The following PTH1R variants were observed in gnomAD, a reference collection of about 807,000 sequenced individuals.
PTH1R encodes parathyroid hormone/parathyroid hormone-related peptide receptor.
In PTH1R, 32 loss-of-function variants were observed where a neutral mutation model predicts 70.7. The ratio of observed to expected loss-of-function variants is 0.45; its 90% CI spans 0.34 to 0.61. PTH1R has a LOEUF of 0.61. Ranked by LOEUF, PTH1R falls within the 20% of genes least tolerant of loss-of-function variation. The pLI, the probability that PTH1R is intolerant of heterozygous loss-of-function variation, is 0.01. For synonymous variants in PTH1R, 329 were observed against 324.8 expected (o/e 1.01, Z -0.14); for missense variants, 626 against 792.5 (o/e 0.79, Z 2.52).
intron 10 of PTH1R, among the ~76,000 whole-genome samples, chr3:46,899,978 T>C: frequency 6.6e-6 from 1 of 152,194 alleles, no homozygotes; most frequent in South Asian, 2.1e-4. Context: ...CTCTGCAGAA[T>C]GGGTTGCTGG....
chr3:46,888,260 GTTAT>G (rs1307073281), intron 3 of PTH1R, among the ~76,000 whole-genome samples: 2 of 152,238 alleles, frequency 1.3e-5, no homozygotes, highest in South Asian at 2.1e-4. Flanking sequence ...CATTCTATGG[GTTAT>G]TTGTCTTTTT....
intron 3 of PTH1R, among the ~76,000 whole-genome samples, chr3:46,887,916 T>G (rs534004153): frequency 6.6e-6 from 1 of 152,350 alleles, no homozygotes; most frequent in Admixed American, 6.5e-5. Flanking sequence ...GGAAGCTCCT[T>G]GAAATGCCCT....
chr3:46,893,877 C>T lies in PTH1R; in HGVS notation c.76-30C>T. 6.2e-7 allele frequency: 1 copy of T among 1,609,636 alleles called. No individual in the cohort carries two copies. Among genetic ancestry groups the T allele is most frequent in the Non-Finnish European group, 8.5e-7 (1 of 1,176,716 alleles). On this transcript the variant is annotated intron_variant, in intron 3 of 15. Transcript: ENST00000449590. This position sits in a 1 kb window ranked among gnomAD's most constrained non-coding sequence, Gnocchi z 5.2. ...GGACCTGCTGCTGCGCCGGAAAGTC[C>T]TGCCTGTGGTCTGACCTTCGGCTTG...
At chr3:46,895,673 G>A in intron 4 of PTH1R, 62 bp from the exon 5 acceptor site, 1 of 1,612,884 alleles carries the variant, frequency 6.2e-7, no homozygotes, top group Non-Finnish European at 8.5e-7. Context: ...AGGCCAAAGA[G>A]TACCCTGGGT....
chr3:46,897,600 G>A (rs565375387), intron 5 of PTH1R, among the ~76,000 whole-genome samples: 7 of 152,148 alleles, frequency 4.6e-5, no homozygotes, highest in East Asian at 1.9e-4. Context: ...GCATGGTGGC[G>A]CATGCCTGTA....
chr3:46,879,393 GA>G lies in PTH1R; in HGVS notation c.-106+1553del, dbSNP rs1273101138. Among the ~76,000 whole-genome samples the G allele has an allele frequency of 2.0e-5, 3 of 152,186 alleles. No individual in the cohort carries two copies. In the East Asian group the frequency reaches 5.8e-4, roughly 29 times the overall value. ...ATGTTCTTTTCTCATCACCAAGGGG[GA>G]AAGCAGGGTGGAAGATCAGTGGTCA... On this transcript the variant is annotated intron_variant, in intron 1 of 15. Transcript: ENST00000449590. This position sits in a 1 kb window ranked among gnomAD's most constrained non-coding sequence, Gnocchi z 4.7.
rs1475586840 is a variant in PTH1R, at chr3:46,883,095, C to G, written c.-48-417C>G. Among the ~76,000 whole-genome samples, 2 of 151,602 alleles carry G rather than the reference C, an allele frequency of 1.3e-5. No individual in the cohort carries two copies. The highest frequency in any genetic ancestry group is 3.0e-5 in the Non-Finnish European group (2 of 67,766). On this transcript the variant is annotated intron_variant, in intron 2 of 15. Coordinates refer to ENST00000449590, the MANE Select transcript of PTH1R (RefSeq NM_000316.3). The surrounding 1 kb of genome is among the most constrained non-coding windows in gnomAD (Gnocchi z 6.4). ...GACCCCGACCCCTCCCCCGCCCCCT[C>G]CCCCCACTGGGCGTGGGGCGAAGCC...
At chr3:46,897,058 C>T (rs2031794464) in intron 5 of PTH1R, among the ~76,000 whole-genome samples, 1 of 152,222 alleles carries the variant, frequency 6.6e-6, no homozygotes, top group Non-Finnish European at 1.5e-5. Context: ...AGAAACCAGA[C>T]CTCCTGCCTC....
Position 46,902,275 on chromosome 3 carries a change from G to T in PTH1R, c.1212-251G>T, listed in dbSNP as rs991993978. ...TGCTTGCCAGCTGAGGGCTCCACAGGTGCGAAGGGCCCAGGGACAGGGGGA... is the reference window on the plus strand; with the variant it reads ...TGCTTGCCAGCTGAGGGCTCCACAGTTGCGAAGGGCCCAGGGACAGGGGGA... On this transcript the variant is annotated intron_variant, in intron 13 of 15. Transcript: ENST00000449590. The surrounding 1 kb of genome is among the most constrained non-coding windows in gnomAD (Gnocchi z 5.4). Among the ~76,000 whole-genome samples the T allele has an allele frequency of 3.9e-5, 6 of 152,180 alleles. No individual in the cohort carries two copies. Among genetic ancestry groups the T allele is most frequent in the African/African-American group, 1.4e-4 (6 of 41,440 alleles).
chr3:46,891,236 C>G lies in PTH1R; in HGVS notation c.76-2671C>G, dbSNP rs2106996081. Reference sequence around the variant, plus strand: ...TTTCCCTCTCCTGAACATCCCAACTCCAGAAAAAGGGGTGTGCCTCCTCCT... The same window carrying G: ...TTTCCCTCTCCTGAACATCCCAACTGCAGAAAAAGGGGTGTGCCTCCTCCT... On this transcript the variant is annotated intron_variant, in intron 3 of 15. Coordinates refer to ENST00000449590, the MANE Select transcript of PTH1R (RefSeq NM_000316.3). The surrounding 1 kb of genome is among the most constrained non-coding windows in gnomAD (Gnocchi z 4.3). Among the ~76,000 whole-genome samples the G allele has an allele frequency of 6.6e-6, 1 of 152,356 alleles. No homozygotes were observed. Among genetic ancestry groups the G allele is most frequent in the Middle Eastern group, 3.4e-3 (1 of 294 alleles).
Position 46,883,201 on chromosome 3 carries a change from G to T in PTH1R, c.-48-311G>T, listed in dbSNP as rs1274201536. Among the ~76,000 whole-genome samples, 57 of 151,276 alleles carry T rather than the reference G, an allele frequency of 3.8e-4. No individual in the cohort carries two copies. Among genetic ancestry groups the T allele is most frequent in the Non-Finnish European group, 6.9e-4 (47 of 67,656 alleles). On this transcript the variant is annotated intron_variant, in intron 2 of 15. Coordinates refer to ENST00000449590, the MANE Select transcript of PTH1R (RefSeq NM_000316.3). The surrounding 1 kb of genome is among the most constrained non-coding windows in gnomAD (Gnocchi z 6.4). ...GAAAAGGCGGCGCGGGAGGGGGGCG[G>T]GGGGCGGGCCGGGGGCGGGGGGCCC...
In PTH1R at chr3:46,893,344, T is replaced by C. The variant is rs2031545363; in HGVS notation, c.76-563T>C. On this transcript the variant is annotated intron_variant, in intron 3 of 15. Coordinates refer to ENST00000449590, the MANE Select transcript of PTH1R (RefSeq NM_000316.3). The surrounding 1 kb of genome is among the most constrained non-coding windows in gnomAD (Gnocchi z 5.2). ...TCCTCCATCCTCTCTTTCTCTCTCT[T>C]GGGATTGTAAGGAGGGGAGGCATTG... is the stretch of plus-strand genomic sequence containing the variant. Among the ~76,000 whole-genome samples, 1 of 152,008 alleles carries C rather than the reference T, an allele frequency of 6.6e-6. No homozygotes were observed. Among genetic ancestry groups the C allele is most frequent in the Admixed American group, 6.6e-5 (1 of 15,262 alleles).
Position 46,884,583 on chromosome 3 carries a change from G to A in PTH1R, c.75+949G>A, listed in dbSNP as rs1291697990. ...ATCCCCTGGGACGAGCCCGTTCCTG[G>A]GGAGGCTGTCTGCCTGTGCGCCTAA... On this transcript the variant is annotated intron_variant, in intron 3 of 15. Transcript: ENST00000449590. This position sits in a 1 kb window ranked among gnomAD's most constrained non-coding sequence, Gnocchi z 4.8. Among the ~76,000 whole-genome samples, 1 of 152,142 alleles carries A rather than the reference G, an allele frequency of 6.6e-6. No individual in the cohort carries two copies. Among genetic ancestry groups the A allele is most frequent in the Admixed American group, 6.5e-5 (1 of 15,286 alleles).
At position 46,902,751 on chromosome 3, in the gene PTH1R, A is replaced by AT. The variant is rs1475413773; in HGVS notation, c.1362dup (p.Val455CysfsTer15). The AT allele has an allele frequency of 1.2e-6, 2 of 1,613,718 alleles. No homozygotes were observed. The highest frequency in any genetic ancestry group is 1.7e-6 in the Non-Finnish European group (2 of 1,179,960). On this transcript the variant is annotated frameshift_variant, in exon 15 of 16. Transcript: ENST00000449590. LOFTEE classifies it high-confidence loss of function. The surrounding 1 kb of genome is among the most constrained non-coding windows in gnomAD (Gnocchi z 5.4). ...ATTCGAGACACCCCTCTTCACAGGG[A>AT]TTTTTTGTCGCAATCATATACTGTT... is the stretch of plus-strand genomic sequence containing the variant.
At chr3:46,885,102 C>G (rs1352885966) in intron 3 of PTH1R, among the ~76,000 whole-genome samples, 1 of 152,094 alleles carries the variant, frequency 6.6e-6, no homozygotes, top group Non-Finnish European at 1.5e-5. Flanking sequence ...TGTGTGACGG[C>G]CTGAGGGGTA....
intron 3 of PTH1R, among the ~76,000 whole-genome samples, chr3:46,888,259 G>T (rs192316066): frequency 1.3e-5 from 2 of 152,306 alleles, no homozygotes; most frequent in African/African-American, 4.8e-5. Flanking sequence ...TCATTCTATG[G>T]GTTATTTGTC....
Position 46,893,987 on chromosome 3 carries a change from C to T in PTH1R, c.156C>T (p.Leu52=). Residue 52 remains leucine (L), a synonymous_variant, in exon 4 of 16, where the codon CTC becomes CTT. Coordinates refer to ENST00000449590, the MANE Select transcript of PTH1R (RefSeq NM_000316.3). This position sits in a 1 kb window ranked among gnomAD's most constrained non-coding sequence, Gnocchi z 5.2. ...CTCAGGCCCAGTGCGAAAAACGGCT[C>T]AAGGAGGTCCTGCAGAGGCCAGGTG... The part of the protein sequence containing the change: ...HRAQAQCEKR[L]KEVLQRPASI... 6.2e-7 allele frequency: 1 copy of T among 1,614,060 alleles called. No homozygotes were observed. The highest frequency in any genetic ancestry group is 1.3e-5 in the African/African-American group (1 of 75,012).
Position 46,901,018 on chromosome 3 carries a change from C to T in PTH1R, c.989-7C>T. The T allele has an allele frequency of 1.3e-6, 2 of 1,580,350 alleles. No homozygotes were observed. Among genetic ancestry groups the T allele is most frequent in the Non-Finnish European group, 1.7e-6 (2 of 1,161,638 alleles). On this transcript the variant is annotated splice_region_variant and splice_polypyrimidine_tract_variant and intron_variant, in intron 10 of 15. Coordinates refer to ENST00000449590, the MANE Select transcript of PTH1R (RefSeq NM_000316.3). The surrounding 1 kb of genome is among the most constrained non-coding windows in gnomAD (Gnocchi z 7.3). ...GTCCTGCACACTGTCCCCCTCTGTG[C>T]CCACAGGTCTGCCCGCTGTCTTCGT...
At chr3:46,880,601 T>C (rs985580571) in intron 1 of PTH1R, among the ~76,000 whole-genome samples, 1 of 152,068 alleles carries the variant, frequency 6.6e-6, no homozygotes. Flanking sequence ...ATTAGCCAGG[T>C]TGGTGGTACA....
Sources: allele counts gnomAD v4.1 joint callset (sites outside exome capture counted in the v4.1 genomes callset), GRCh38; gene constraint gnomAD v4.1.1; non-coding constraint Gnocchi (gnomAD v3.1); transcripts MANE v1.5; gene names NCBI Gene and HGNC (gene_info 2026-07-23, HGNC 2026-07-21).